Variants in GPC6 observed in about 807,000 individuals in gnomAD.
The protein encoded by GPC6 is glypican-6.
In GPC6, 14 loss-of-function variants were observed where a neutral mutation model predicts 55.2. That is an observed-to-expected ratio of 0.25 (90% CI 0.17 to 0.40). GPC6 has a LOEUF of 0.40. Ranked by LOEUF, GPC6 falls within the 10% of genes least tolerant of loss-of-function variation. GPC6 has a pLI of 1.00. For missense variants in GPC6, 641 were observed against 708.5 expected (o/e 0.90, Z 1.08); for synonymous variants, 278 against 259.6 (o/e 1.07, Z -0.68).
In GPC6 at chr13:94,183,653, G is replaced by A. The variant is rs547108735; in HGVS notation, c.878-102696G>A. Among the ~76,000 whole-genome samples the A allele has an allele frequency of 5.3e-5, 8 of 152,240 alleles. No individual in the cohort carries two copies. In the East Asian group the frequency reaches 1.5e-3, roughly 29 times the overall value. On this transcript the variant is annotated intron_variant, in intron 4 of 8. Transcript: ENST00000377047. ...TGAAACCACCAAACAGTTTTCCACA[G>A]TGACTGTATCATCATACACTCCCAC...
intron 4 of GPC6, among the ~76,000 whole-genome samples, chr13:94,174,099 A>G (rs888799075): frequency 6.6e-6 from 1 of 152,168 alleles, no homozygotes; most frequent in Admixed American, 6.6e-5. Context: ...TGAATAAATC[A>G]TGTACTACTG....
intron 3 of GPC6, among the ~76,000 whole-genome samples, chr13:94,024,170 G>A (rs973278130): frequency 1.3e-5 from 2 of 150,962 alleles, no homozygotes; most frequent in African/African-American, 4.9e-5. Flanking sequence ...AAAATCTGAG[G>A]TCTACAGACT....
chr13:93,527,651 A>T (rs143707023), intron 1 of GPC6, among the ~76,000 whole-genome samples: 1 of 152,158 alleles, frequency 6.6e-6, no homozygotes, highest in Non-Finnish European at 1.5e-5. Flanking sequence ...TTAGAAAGAG[A>T]CCTCTTGCCC....
At chr13:93,650,918 C>A (rs1880382936) in intron 2 of GPC6, among the ~76,000 whole-genome samples, 1 of 152,016 alleles carries the variant, frequency 6.6e-6, no homozygotes, top group East Asian at 1.9e-4. Context: ...ACTGTCAGCA[C>A]TATTAATTGT....
intron 2 of GPC6, among the ~76,000 whole-genome samples, chr13:93,781,276 GAA>G (rs10714640): frequency 8.1e-4 from 111 of 136,204 alleles, no homozygotes; most frequent in Middle Eastern, 4.1e-3. Flanking sequence ...CTCCATCTCC[GAA>G]AAAAAAAAAA....
intron 2 of GPC6, among the ~76,000 whole-genome samples, chr13:93,703,893 C>G (rs1406981960): frequency 6.6e-6 from 1 of 151,868 alleles, no homozygotes; most frequent in Non-Finnish European, 1.5e-5. Flanking sequence ...TCATTTAATT[C>G]AGAGCAAAAG....
At chr13:93,337,122 C>A (rs3829394) in intron 1 of GPC6, among the ~76,000 whole-genome samples, 21,111 of 152,122 alleles carry the variant, frequency 0.14, 1,718 homozygotes, top group East Asian at 0.42. Context: ...TGGTAAAATT[C>A]TTCAATTAAA....
chr13:94,253,347 G>C (rs1891414673), intron 4 of GPC6, among the ~76,000 whole-genome samples: 1 of 152,084 alleles, frequency 6.6e-6, no homozygotes, highest in Non-Finnish European at 1.5e-5. Context: ...TTCTCCAGTT[G>C]ATTCTCTATA....
intron 1 of GPC6, among the ~76,000 whole-genome samples, chr13:93,523,281 ATG>A (rs565259085): frequency 6.7e-6 from 1 of 150,010 alleles, no homozygotes; most frequent in East Asian, 2.0e-4. Flanking sequence ...ATATTTATAT[ATG>A]TGTGTGTAAA....
At chr13:94,203,319 A>C (rs1439523366) in intron 4 of GPC6, among the ~76,000 whole-genome samples, 1 of 151,740 alleles carries the variant, frequency 6.6e-6, no homozygotes. Context: ...AATCAAAGAA[A>C]ATAACCATGA....
intron 2 of GPC6, 25 bp downstream of exon 2, chr13:93,545,446 G>T: frequency 6.3e-7 from 1 of 1,594,118 alleles, no homozygotes. Context: ...TTTCACTTCA[G>T]TTTGTTATAG....
Position 93,702,704 on chromosome 13 carries a change from T to C in GPC6, c.320-127450T>C, listed in dbSNP as rs1882714887. Reference sequence around the variant, plus strand: ...CTTGCGGCAGCTCCTCCATGACCACTTGCTGCCCCAGCTTGAAGTTTTCTG... The same window carrying C: ...CTTGCGGCAGCTCCTCCATGACCACCTGCTGCCCCAGCTTGAAGTTTTCTG... On this transcript the variant is annotated intron_variant, in intron 2 of 8. Coordinates refer to ENST00000377047, the MANE Select transcript of GPC6 (RefSeq NM_005708.5). Among the ~76,000 whole-genome samples the C allele has an allele frequency of 2.0e-5, 3 of 152,152 alleles. No homozygotes were observed. In the South Asian group the frequency reaches 6.2e-4, roughly 32 times the overall value.
chr13:94,169,086 A>G (rs1253234356), intron 4 of GPC6, among the ~76,000 whole-genome samples: 3 of 152,250 alleles, frequency 2.0e-5, no homozygotes, highest in East Asian at 3.8e-4. Flanking sequence ...ATTAAATTGT[A>G]GTTTTGTCTT....
chr13:94,250,359 T>C (rs1232180203), intron 4 of GPC6, among the ~76,000 whole-genome samples: 1 of 152,128 alleles, frequency 6.6e-6, no homozygotes. Flanking sequence ...TCTGTGTAGT[T>C]TGAGTGCTGT....
rs1376510761 is a variant in GPC6, at chr13:93,693,471, G to A, written c.320-136683G>A. Among the ~76,000 whole-genome samples, 51 of 149,108 alleles carry A rather than the reference G, an allele frequency of 3.4e-4. No homozygotes were observed. The East Asian group carries it at 8.4e-3, about 25-fold the overall frequency. On this transcript the variant is annotated intron_variant, in intron 2 of 8. Transcript: ENST00000377047. ...TGTGTGTATGTATATCTGTGTGTGT[G>A]TGTGTGTGTGTGTGTGTGTGTGTGT... is the stretch of plus-strand genomic sequence containing the variant.
intron 4 of GPC6, among the ~76,000 whole-genome samples, chr13:94,167,954 A>C (rs981575077): frequency 2.6e-5 from 4 of 152,230 alleles, no homozygotes; most frequent in African/African-American, 9.6e-5. Context: ...TCTATTCCAT[A>C]ACAGTTTTAT....
intron 4 of GPC6, among the ~76,000 whole-genome samples, chr13:94,182,596 T>C (rs1305795808): frequency 6.6e-6 from 1 of 152,160 alleles, no homozygotes; most frequent in African/African-American, 2.4e-5. Context: ...TGTGTAATGT[T>C]TTTTTTCCTA....
intron 4 of GPC6, among the ~76,000 whole-genome samples, chr13:94,232,295 C>G (rs1218955313): frequency 1.3e-5 from 2 of 152,196 alleles, no homozygotes; most frequent in Non-Finnish European, 2.9e-5. Flanking sequence ...CTAACCCACT[C>G]CTTAAGGAAA....
At chr13:94,372,955 C>A (rs1225567241) in intron 6 of GPC6, among the ~76,000 whole-genome samples, 4 of 152,208 alleles carry the variant, frequency 2.6e-5, no homozygotes, top group Non-Finnish European at 5.9e-5. Context: ...CAGGAGCACA[C>A]TGACACCTCA....
Sources: gnomAD v4.1 joint callset for allele counts (sites outside exome capture counted in the v4.1 genomes callset) on GRCh38, gnomAD v4.1.1 for gene constraint, MANE v1.5 for transcripts, NCBI Gene and HGNC (gene_info 2026-07-23, HGNC 2026-07-21) for gene names.